The following GABBR2 variants were observed in gnomAD, a reference collection of about 807,000 sequenced individuals.
GABBR2 encodes the protein G-protein coupled receptor 51.
A neutral mutation model predicts 105.6 loss-of-function variants in GABBR2; 23 were observed. That is an observed-to-expected ratio of 0.22 (90% CI 0.16 to 0.31). The LOEUF (loss-of-function observed/expected upper bound fraction) is 0.31, where lower values mean the gene tolerates loss of function less well. Among genes scored for constraint, GABBR2 ranks in the 10% least tolerant of loss-of-function variants. GABBR2 has a pLI of 1.00. For synonymous variants in GABBR2, 478 were observed against 499.7 expected (o/e 0.96, Z 0.58); for missense variants, 734 against 1,245.5 (o/e 0.59, Z 6.18).
chr9:98,603,434 A>G (rs963973607), intron 1 of GABBR2, among the ~76,000 whole-genome samples: 5 of 152,216 alleles, frequency 3.3e-5, no homozygotes, highest in African/African-American at 1.2e-4. Flanking sequence ...CATCCTGGAA[A>G]TTTTGAAATT....
At chr9:98,673,150 G>T (rs1179585632) in intron 1 of GABBR2, among the ~76,000 whole-genome samples, 1 of 152,114 alleles carries the variant, frequency 6.6e-6, no homozygotes, top group Non-Finnish European at 1.5e-5. Context: ...TTGTCCTCTG[G>T]CAAGGTACAT....
chr9:98,582,687 A>G (rs1295073341), intron 1 of GABBR2, among the ~76,000 whole-genome samples: 1 of 152,270 alleles, frequency 6.6e-6, no homozygotes, highest in Admixed American at 6.5e-5. Context: ...TAATTTACAG[A>G]CAAGGTCCTT....
chr9:98,661,787 G>A (rs1423529707), intron 1 of GABBR2, among the ~76,000 whole-genome samples: 1 of 152,190 alleles, frequency 6.6e-6, no homozygotes, highest in Non-Finnish European at 1.5e-5. Flanking sequence ...GCTGCTAGGT[G>A]GCTCACAAGT....
In GABBR2 at chr9:98,577,995, G is replaced by A. The variant is rs754203594; in HGVS notation, c.399C>T (p.Gly133=). ...YGPNHLMVFG[G]VCPSVTSIIA... ...TGATGGATGTGACGGATGGACAGAC[G>A]CCTCCAAACACCATCAAGTGGTTAG... Residue 133 remains glycine (G), a synonymous_variant, in exon 2 of 19, where the codon GGC becomes GGT. Transcript: ENST00000259455. 4.3e-5 allele frequency: 70 copies of A among 1,613,636 alleles called. No homozygotes were observed. Among genetic ancestry groups the A allele is most frequent in the Middle Eastern group, 1.6e-4 (1 of 6,082 alleles).
intron 13 of GABBR2, among the ~76,000 whole-genome samples, chr9:98,348,338 T>C (rs1199168108): frequency 6.6e-6 from 1 of 152,172 alleles, no homozygotes; most frequent in Non-Finnish European, 1.5e-5. Context: ...TACTATAGCT[T>C]TGTAGTATAT....
intron 3 of GABBR2, among the ~76,000 whole-genome samples, chr9:98,504,645 G>A (rs1827469552): frequency 6.6e-6 from 1 of 152,210 alleles, no homozygotes; most frequent in South Asian, 2.1e-4. Flanking sequence ...GCCATGAATT[G>A]TGCCGAAATG....
chr9:98,672,836 C>T (rs1302453808), intron 1 of GABBR2, among the ~76,000 whole-genome samples: 2 of 152,218 alleles, frequency 1.3e-5, no homozygotes, highest in Non-Finnish European at 2.9e-5. Context: ...TTGGTCACGG[C>T]CACCTCCCTT....
chr9:98,360,454 G>A (rs1831562899), intron 13 of GABBR2, among the ~76,000 whole-genome samples: 1 of 152,178 alleles, frequency 6.6e-6, no homozygotes, highest in African/African-American at 2.4e-5. Context: ...AGCACACCCT[G>A]CAGGGAGACA....
intron 11 of GABBR2, among the ~76,000 whole-genome samples, chr9:98,381,190 A>G (rs1831968527): frequency 6.6e-6 from 1 of 152,210 alleles, no homozygotes; most frequent in African/African-American, 2.4e-5. Flanking sequence ...TTTAACCCAC[A>G]CTGCAATCCT....
chr9:98,412,257 C>T (rs191101277), intron 7 of GABBR2, among the ~76,000 whole-genome samples: 1 of 152,360 alleles, frequency 6.6e-6, no homozygotes. Flanking sequence ...AGTGAAGACT[C>T]GCTGGGCTCA....
intron 2 of GABBR2, among the ~76,000 whole-genome samples, chr9:98,544,381 C>T (rs1009274616): frequency 2.0e-5 from 3 of 152,170 alleles, no homozygotes; most frequent in African/African-American, 7.2e-5. Flanking sequence ...TTGGAGCTGA[C>T]CACACAACAG....
In GABBR2 at chr9:98,299,230, T is replaced by G. The variant is rs1481952965; in HGVS notation, c.2536A>C (p.Ser846Arg). The part of the protein sequence containing the change: ...DILNLGNFTE[S>R]TDGGKAILKN... Reference sequence around the variant, plus strand: ...GGGGCCCTGGCTCTCTTACCTGTGCTCTCAGTGAAGTTTCCCAGGTTGAGG... The same window carrying G: ...GGGGCCCTGGCTCTCTTACCTGTGCGCTCAGTGAAGTTTCCCAGGTTGAGG... Residue 846 changes from serine (S) to arginine (R), a missense_variant, in exon 17 of 19, where the codon AGC (serine) becomes CGC (arginine). Physicochemically the swap from Ser to Arg is moderately radical, Grantham distance 110. Transcript: ENST00000259455. 1.9e-6 allele frequency: 3 copies of G among 1,613,800 alleles called. No individual in the cohort carries two copies. Among genetic ancestry groups the G allele is most frequent in the Non-Finnish European group, 2.5e-6 (3 of 1,179,896 alleles).
chr9:98,678,434 G>A (rs1196898171), intron 1 of GABBR2, among the ~76,000 whole-genome samples: 2 of 152,300 alleles, frequency 1.3e-5, no homozygotes, highest in East Asian at 1.9e-4. Context: ...GAGGTGCTTC[G>A]CTGGAAAGCC....
At chr9:98,626,360 C>T (rs751655199) in intron 1 of GABBR2, among the ~76,000 whole-genome samples, 1 of 152,120 alleles carries the variant, frequency 6.6e-6, no homozygotes, top group Non-Finnish European at 1.5e-5. Flanking sequence ...ATCAAAAACA[C>T]TTAGATTACA....
chr9:98,541,548 C>T lies in GABBR2; in HGVS notation c.630+325G>A, dbSNP rs989026829. 4.0e-5 allele frequency among the ~76,000 whole-genome samples: 6 copies of T among 151,388 alleles called. No homozygotes were observed. In the East Asian group the frequency reaches 1.2e-3, roughly 29 times the overall value. On this transcript the variant is annotated intron_variant, in intron 3 of 18. Coordinates refer to ENST00000259455, the MANE Select transcript of GABBR2 (RefSeq NM_005458.8). The stretch of plus-strand genomic sequence containing the variant: ...CAGATGAACACACCCCCTGGTAGAA[C>T]TTTGTGATCTTAGATGGTCACGACA...
intron 1 of GABBR2, among the ~76,000 whole-genome samples, chr9:98,676,835 C>T (rs771723956): frequency 6.6e-6 from 1 of 152,202 alleles, no homozygotes. Flanking sequence ...TTTACAGCAG[C>T]TTACATGTAA....
At chr9:98,373,869 T>C (rs985654807) in intron 11 of GABBR2, among the ~76,000 whole-genome samples, 2 of 144,292 alleles carry the variant, frequency 1.4e-5, no homozygotes, top group Non-Finnish European at 3.0e-5. Context: ...TTTTTTTTTT[T>C]TTTTTTGAGA....
intron 6 of GABBR2, among the ~76,000 whole-genome samples, chr9:98,471,190 G>A (rs1298546233): frequency 6.6e-6 from 1 of 152,182 alleles, no homozygotes; most frequent in Admixed American, 6.5e-5. Flanking sequence ...TCGTAACTGT[G>A]GGGTAATGTA....
chr9:98,519,730 T>C (rs1320776084), intron 3 of GABBR2, among the ~76,000 whole-genome samples: 1 of 143,598 alleles, frequency 7.0e-6, no homozygotes, highest in Non-Finnish European at 1.5e-5. Flanking sequence ...TTTTTTTTGG[T>C]AAAGGGTCAG....
Sources: gnomAD v4.1 joint callset for allele counts (sites outside exome capture counted in the v4.1 genomes callset) on GRCh38, gnomAD v4.1.1 for gene constraint, MANE v1.5 for transcripts, NCBI Gene and HGNC (gene_info 2026-07-23, HGNC 2026-07-21) for gene names.